The following HKDC1 variants were observed in gnomAD, a reference collection of about 807,000 sequenced individuals.
HKDC1 encodes hexokinase domain containing 1.
HKDC1 carries 66 observed loss-of-function variants against 96.6 expected under a neutral mutation model. The observed-to-expected ratio is 0.68, with a 90% confidence interval of 0.56 to 0.84. HKDC1 has a LOEUF of 0.84. Among genes scored for constraint, HKDC1 ranks in the 40% least tolerant of loss-of-function variants. The probability of loss-of-function intolerance (pLI) is 0.00; values close to 1 mark genes in which losing one functional copy is unlikely to be tolerated. For synonymous variants in HKDC1, 466 were observed against 473.1 expected, an observed-to-expected ratio of 0.98 and a Z score of 0.20; for missense variants, 1,211 against 1,208.1, an observed-to-expected ratio of 1.00 and a Z score of -0.04.
chr10:69,242,101 C>T (rs570225459), intron 6 of HKDC1, among the ~76,000 whole-genome samples: 1 of 152,304 alleles, frequency 6.6e-6, no homozygotes, highest in Admixed American at 6.5e-5. Context: ...GGGGAAAGTT[C>T]TTCTGAATTG....
In HKDC1 at chr10:69,243,365, T is replaced by C; in HGVS notation, c.875T>C (p.Leu292Pro). 6.4e-7 allele frequency: 1 copy of C among 1,574,164 alleles called. No individual in the cohort carries two copies. The highest frequency in any genetic ancestry group is 8.6e-7 in the Non-Finnish European group (1 of 1,159,768). ...GGCTCTCTCAACCCAGGAAAGCAAC[T>C]GTGAGTTCCCTTCTGGTGTTATCTG... ...DLGSLNPGKQ[L>P]FEKMISGLYL... Residue 292 changes from leucine (L) to proline (P), a missense_variant and splice_region_variant, in exon 7 of 18, where the codon CTG becomes CCG. Physicochemically the swap from Leu to Pro is moderately conservative, Grantham distance 98 (BLOSUM62 -3). Transcript: ENST00000354624.
chr10:69,223,445 T>C (rs1351071666), intron 1 of HKDC1, among the ~76,000 whole-genome samples: 2 of 152,230 alleles, frequency 1.3e-5, no homozygotes, highest in African/African-American at 4.8e-5. Flanking sequence ...TTCATTATCA[T>C]CATAATTATC....
At chr10:69,225,895 T>C (rs1843147581) in intron 1 of HKDC1, 2 of 152,246 alleles carry the variant, frequency 1.3e-5, no homozygotes, top group African/African-American at 4.8e-5. Flanking sequence ...GTGACGTACG[T>C]GGACGCACTC....
chr10:69,258,479 T>C (rs772680740), intron 14 of HKDC1, among the ~76,000 whole-genome samples: 5 of 152,050 alleles, frequency 3.3e-5, no homozygotes, highest in Admixed American at 6.6e-5. Flanking sequence ...ATGATGATGA[T>C]GATGATGATG....
intron 9 of HKDC1, 40 bp from the exon 10 acceptor site, chr10:69,248,384 T>G (rs1589411938): frequency 3.9e-6 from 6 of 1,527,390 alleles, no homozygotes; most frequent in Non-Finnish European, 5.3e-6. Flanking sequence ...GAGCCTGGCC[T>G]TTATGATTGC....
intron 1 of HKDC1, among the ~76,000 whole-genome samples, chr10:69,223,963 C>A (rs919764427): frequency 3.3e-5 from 5 of 150,974 alleles, no homozygotes; most frequent in African/African-American, 1.2e-4. Context: ...AATCCCAGCA[C>A]TTTGGGAGGC....
At chr10:69,258,152 C>G (rs1843748913) in intron 14 of HKDC1, among the ~76,000 whole-genome samples, 2 of 152,202 alleles carry the variant, frequency 1.3e-5, no homozygotes, top group African/African-American at 2.4e-5. Context: ...TCCTCTCACT[C>G]TAACTCTTAC....
intron 13 of HKDC1, 86 bp downstream of exon 13, chr10:69,257,217 ACT>A (rs1363859336): frequency 5.5e-6 from 8 of 1,454,704 alleles, no homozygotes; most frequent in Admixed American, 5.1e-5. Flanking sequence ...AGTTCCTATG[ACT>A]CTGGCCTCTG....
rs781722757 is a variant in HKDC1, at chr10:69,243,321, C to T, written c.831C>T (p.Phe277=). Reference sequence around the variant, plus strand: ...CCCTGGAGGACATTCGCACTGAGTTCGACAGGGAGCTGGACCTCGGCTCTC... The same window carrying T: ...CCCTGGAGGACATTCGCACTGAGTTTGACAGGGAGCTGGACCTCGGCTCTC... ...DGALEDIRTE[F]DRELDLGSLN... The change falls in exon 7 of 18, where the codon TTC becomes TTT. Residue 277 remains phenylalanine (F), a synonymous_variant. Coordinates refer to ENST00000354624, the MANE Select transcript of HKDC1 (RefSeq NM_025130.4). 5.6e-6 allele frequency: 9 copies of T among 1,610,474 alleles called. No individual in the cohort carries two copies. The highest frequency in any genetic ancestry group is 1.3e-5 in the African/African-American group (1 of 74,824).
chr10:69,248,781 A>T (rs1266051148), intron 10 of HKDC1, 53 bp downstream of exon 10: 1 of 1,489,360 alleles, frequency 6.7e-7, no homozygotes, highest in African/African-American at 1.4e-5. Context: ...TCCCGTCAAA[A>T]CTCCTTAAAG....
At chr10:69,225,140 C>A (rs551877531) in intron 1 of HKDC1, among the ~76,000 whole-genome samples, 4 of 152,184 alleles carry the variant, frequency 2.6e-5, no homozygotes, top group African/African-American at 9.7e-5. Flanking sequence ...AAACCCCAGT[C>A]GCAAATGACC....
chr10:69,251,312 T>C (rs899377932), intron 12 of HKDC1, among the ~76,000 whole-genome samples: 3 of 152,040 alleles, frequency 2.0e-5, no homozygotes, highest in African/African-American at 7.2e-5. Context: ...GCAAGGCTGG[T>C]CATGAACTCC....
rs761692234 is a variant in HKDC1, at chr10:69,243,369, A to C, written c.875+4A>C. The C allele has an allele frequency of 7.0e-6, 11 of 1,570,848 alleles. No homozygotes were observed. The highest frequency in any genetic ancestry group is 9.5e-6 in the Non-Finnish European group (11 of 1,158,192). On this transcript the variant is annotated splice_donor_region_variant and intron_variant, in intron 7 of 17. Coordinates refer to ENST00000354624, the MANE Select transcript of HKDC1 (RefSeq NM_025130.4). ...CTCTCAACCCAGGAAAGCAACTGTG[A>C]GTTCCCTTCTGGTGTTATCTGGGCA... is the stretch of plus-strand genomic sequence containing the variant.
intron 12 of HKDC1, among the ~76,000 whole-genome samples, chr10:69,250,933 G>A (rs1469202369): frequency 6.6e-6 from 1 of 152,150 alleles, no homozygotes; most frequent in Non-Finnish European, 1.5e-5. Flanking sequence ...ATGGAGAGAG[G>A]GAGAAAGAGG....
At chr10:69,249,481 A>C (rs1269600063) in intron 10 of HKDC1, among the ~76,000 whole-genome samples, 1 of 152,088 alleles carries the variant, frequency 6.6e-6, no homozygotes, top group Non-Finnish European at 1.5e-5. Context: ...AGTAAAAGAC[A>C]CTGTTTATTT....
chr10:69,247,535 G>A lies in HKDC1; in HGVS notation c.1207G>A (p.Val403Met). 1 of 1,614,200 alleles carries A rather than the reference G, an allele frequency of 6.2e-7. No individual in the cohort carries two copies. The highest frequency in any genetic ancestry group is 8.5e-7 in the Non-Finnish European group (1 of 1,180,042). The change falls in exon 9 of 18, where the codon GTG (valine) becomes ATG (methionine). Residue 403 changes from valine to methionine, a missense_variant. Transcript: ENST00000354624. ...GACACGCCTCCGGGAGAACAAGAAG[G>A]TGGAACGGCTCCGGACCACAGTGGG... ...ILTRLRENKK[V>M]ERLRTTVGMD...
chr10:69,246,769 C>A (rs1472815), intron 8 of HKDC1, among the ~76,000 whole-genome samples: 140,792 of 152,306 alleles, frequency 0.92, 65,093 homozygotes, highest in East Asian at 0.99. Context: ...CTGCAGGTGA[C>A]GGCGGCTGGC....
intron 2 of HKDC1, among the ~76,000 whole-genome samples, chr10:69,231,838 G>A (rs1843266147): frequency 6.6e-6 from 1 of 152,122 alleles, no homozygotes; most frequent in Admixed American, 6.5e-5. Context: ...CTCTTACTTG[G>A]TGCATAATAT....
rs1455135737 is a variant in HKDC1 at position 69,266,836 on chromosome 10, T to C, written c.*79T>C. 4 of 1,437,630 alleles carry C rather than the reference T, an allele frequency of 2.8e-6. No individual in the cohort carries two copies. The highest frequency in any genetic ancestry group is 4.7e-5 in the East Asian group (2 of 42,534). The allele number at this position is 1,437,630 out of a possible 1,614,324, so 89.1% of individuals were successfully genotyped here. On this transcript the variant is annotated 3_prime_UTR_variant, in exon 18 of 18. Transcript: ENST00000354624. ...GGCAGATCAGTTGGTCAGAGACCAA[T>C]GGGCACCCTCCTGGCTGACCTCACC...
Sources: gnomAD v4.1 joint callset for allele counts (sites outside exome capture counted in the v4.1 genomes callset) on GRCh38, gnomAD v4.1.1 for gene constraint, MANE v1.5 for transcripts, NCBI Gene and HGNC (gene_info 2026-07-23, HGNC 2026-07-21) for gene names.